Variants in CNTN4 observed in about 807,000 individuals in gnomAD.
CNTN4 encodes the protein contactin-4.
A neutral mutation model predicts 122.5 loss-of-function variants in CNTN4; 77 were observed. That is an observed-to-expected ratio of 0.63 (90% CI 0.52 to 0.76). CNTN4 has a LOEUF of 0.76. Ranked by LOEUF, CNTN4 falls within the 30% of genes least tolerant of loss-of-function variation. The probability of loss-of-function intolerance (pLI) is 0.00; values close to 1 mark genes in which losing one functional copy is unlikely to be tolerated. For missense variants in CNTN4, 1,256 were observed against 1,259.1 expected (o/e 1.00, Z 0.04); for synonymous variants, 512 against 447.0 (o/e 1.15, Z -1.83).
At chr3:2,516,943 GA>G (rs370255362) in intron 3 of CNTN4, among the ~76,000 whole-genome samples, 1,615 of 150,226 alleles carry the variant, frequency 0.011, 26 homozygotes, top group African/African-American at 0.033. Flanking sequence ...AAGAAAGAAA[GA>G]AAAAAAAATG....
chr3:2,611,297 C>CAAAAAAAAAAAAAAAAAAAAAAAAAAAA (rs201162114), intron 4 of CNTN4, among the ~76,000 whole-genome samples: 11 of 62,346 alleles, frequency 1.8e-4, no homozygotes, highest in South Asian at 5.6e-4. Flanking sequence ...CACCTGGAAC[C>CAAAAAAAAAAAAAAAAAAAAAAAAAAAA]AAAAAAAAAA....
Position 2,605,327 on chromosome 3 carries a change from G to A in CNTN4, c.55+33769G>A, listed in dbSNP as rs536003968. Among the ~76,000 whole-genome samples, 100 of 152,358 alleles carry A rather than the reference G, an allele frequency of 6.6e-4. 1 individual carries two copies. The highest frequency in any genetic ancestry group is 2.4e-3 in the African/African-American group (98 of 41,584). On this transcript the variant is annotated intron_variant, in intron 4 of 24. Coordinates refer to ENST00000418658, the MANE Select transcript of CNTN4 (RefSeq NM_175607.3). ...AAGCAGAGAGACCAGGATATCTGGA[G>A]TGCAGTGAGTGAAGACAGTGTTAGG...
At chr3:2,875,125 G>C (rs949834758) in intron 8 of CNTN4, among the ~76,000 whole-genome samples, 7 of 152,078 alleles carry the variant, frequency 4.6e-5, no homozygotes, top group African/African-American at 1.7e-4. Context: ...TGGGATTACA[G>C]GCATGTACCA....
chr3:2,598,163 T>G (rs2616592), intron 4 of CNTN4, among the ~76,000 whole-genome samples: 25,902 of 152,130 alleles, frequency 0.17, 2,862 homozygotes, highest in Non-Finnish European at 0.24. Context: ...TTTAGTGACC[T>G]CCAGTATCAA....
intron 13 of CNTN4, among the ~76,000 whole-genome samples, chr3:2,979,781 G>A (rs1177520150): frequency 1.3e-5 from 2 of 152,170 alleles, no homozygotes; most frequent in African/African-American, 4.8e-5. Context: ...TGCAGAAGGA[G>A]AGAAGTGGTT....
chr3:2,419,872 T>G (rs1167329683), intron 3 of CNTN4, among the ~76,000 whole-genome samples: 1 of 152,170 alleles, frequency 6.6e-6, no homozygotes, highest in African/African-American at 2.4e-5. Context: ...ATATATCAGC[T>G]CACATACTTA....
chr3:2,627,666 T>C (rs1372849489), intron 4 of CNTN4, among the ~76,000 whole-genome samples: 1 of 151,886 alleles, frequency 6.6e-6, no homozygotes, highest in Non-Finnish European at 1.5e-5. Context: ...GCTAATTTTT[T>C]GTATTTTTAG....
intron 3 of CNTN4, among the ~76,000 whole-genome samples, chr3:2,517,422 T>C (rs1261294867): frequency 6.6e-6 from 1 of 152,126 alleles, no homozygotes; most frequent in African/African-American, 2.4e-5. Flanking sequence ...CCTCCAATGA[T>C]CTGTATTACC....
chr3:2,597,031 A>G (rs2080802727), intron 4 of CNTN4, among the ~76,000 whole-genome samples: 1 of 152,072 alleles, frequency 6.6e-6, no homozygotes, highest in Admixed American at 6.5e-5. Context: ...CGTTATTTGG[A>G]GATTTCACTG....
At chr3:2,455,150 G>A (rs1373912544) in intron 3 of CNTN4, among the ~76,000 whole-genome samples, 2 of 152,164 alleles carry the variant, frequency 1.3e-5, no homozygotes, top group South Asian at 2.1e-4. Context: ...GGACTTATGA[G>A]TTCTTCCAGT....
chr3:2,434,414 G>A (rs1205515321), intron 3 of CNTN4, among the ~76,000 whole-genome samples: 1 of 152,204 alleles, frequency 6.6e-6, no homozygotes, highest in Non-Finnish European at 1.5e-5. Flanking sequence ...TCTTGAGCTA[G>A]GAAAGAATTT....
At chr3:2,641,449 A>G (rs1449644648) in intron 4 of CNTN4, among the ~76,000 whole-genome samples, 1 of 152,202 alleles carries the variant, frequency 6.6e-6, no homozygotes, top group Non-Finnish European at 1.5e-5. Flanking sequence ...TCATAACTGT[A>G]GGAAATATCT....
chr3:2,850,215 C>T (rs1051172953), intron 7 of CNTN4, among the ~76,000 whole-genome samples: 1 of 152,096 alleles, frequency 6.6e-6, no homozygotes, highest in East Asian at 1.9e-4. Context: ...GTCTCAAACT[C>T]CTGACCTCAT....
chr3:2,631,799 T>C (rs2082439793), intron 4 of CNTN4, among the ~76,000 whole-genome samples: 1 of 140,214 alleles, frequency 7.1e-6, no homozygotes, highest in African/African-American at 2.7e-5. Flanking sequence ...AAGGCCAAGA[T>C]GGGAAAATCA....
chr3:2,915,670 A>T (rs190983115), intron 12 of CNTN4, among the ~76,000 whole-genome samples: 1 of 152,234 alleles, frequency 6.6e-6, no homozygotes, highest in African/African-American at 2.4e-5. Flanking sequence ...AAATGGAATT[A>T]CCATATAATC....
At chr3:3,009,237 C>G (rs1267401081) in intron 14 of CNTN4, among the ~76,000 whole-genome samples, 5 of 152,222 alleles carry the variant, frequency 3.3e-5, no homozygotes, top group Middle Eastern at 3.4e-3. Context: ...GGGAGGCCAG[C>G]CTACAGGAGA....
intron 13 of CNTN4, among the ~76,000 whole-genome samples, chr3:2,937,591 A>G (rs4487227): frequency 0.67 from 101,213 of 152,054 alleles, 34,155 homozygotes; most frequent in Middle Eastern, 0.85. Flanking sequence ...AAGGAAAGAG[A>G]AGACAGCAAT....
intron 7 of CNTN4, among the ~76,000 whole-genome samples, chr3:2,844,894 C>T (rs531515039): frequency 6.6e-6 from 1 of 152,262 alleles, no homozygotes; most frequent in East Asian, 1.9e-4. Flanking sequence ...TTGCCTGTGG[C>T]AAGCTGAAGG....
intron 6 of CNTN4, 114 bp downstream of exon 6, chr3:2,745,811 T>A (rs2089719331): frequency 2.2e-6 from 2 of 891,986 alleles, no homozygotes; most frequent in South Asian, 3.0e-5. Context: ...GGTTACATGA[T>A]CATCTTTACT....
Sources: allele counts gnomAD v4.1 joint callset (sites outside exome capture counted in the v4.1 genomes callset), GRCh38; gene constraint gnomAD v4.1.1; transcripts MANE v1.5; gene names NCBI Gene and HGNC (gene_info 2026-07-23, HGNC 2026-07-21).